The following GLI3 variants were observed in gnomAD, a reference collection of about 807,000 sequenced individuals.
GLI3 encodes GLI family zinc finger 3, also known as transcription activator GLI3.
A neutral mutation model predicts 100.8 loss-of-function variants in GLI3; 20 were observed. The observed-to-expected ratio is 0.20, with a 90% CI of 0.14 to 0.29. The LOEUF (loss-of-function observed/expected upper bound fraction) is 0.29. Among genes scored for constraint, GLI3 ranks in the 10% least tolerant of loss-of-function variants. The probability of loss-of-function intolerance (pLI) is 1.00; values close to 1 mark genes in which losing one functional copy is unlikely to be tolerated. For missense variants in GLI3, 2,040 were observed against 2,128.5 expected (o/e 0.96, Z 0.82); for synonymous variants, 938 against 860.5 (o/e 1.09, Z -1.58).
At chr7:42,212,817 C>T (rs941284535) in intron 2 of GLI3, among the ~76,000 whole-genome samples, 6 of 152,174 alleles carry the variant, frequency 3.9e-5, no homozygotes. Flanking sequence ...GAATACAATT[C>T]ACTGTGAAAC....
At position 42,029,660 on chromosome 7, in the gene GLI3, T is replaced by C. The variant is rs553400792; in HGVS notation, c.1029-3248A>G. ...CCCTCTGCATCTTCAGCACTCACAGTGTCCCCTGCCTGGAACCCTTGGCTT... is the reference window on the plus strand; with the variant it reads ...CCCTCTGCATCTTCAGCACTCACAGCGTCCCCTGCCTGGAACCCTTGGCTT... On this transcript the variant is annotated intron_variant, in intron 7 of 14. Transcript: ENST00000395925. Among the ~76,000 whole-genome samples the C allele has an allele frequency of 2.6e-5, 4 of 152,228 alleles. No individual in the cohort carries two copies. In the South Asian group the frequency reaches 8.3e-4, roughly 32 times the overall value.
chr7:42,233,687 A>G (rs575573969), intron 1 of GLI3, among the ~76,000 whole-genome samples: 1 of 152,334 alleles, frequency 6.6e-6, no homozygotes, highest in Non-Finnish European at 1.5e-5. Context: ...AAAATACTTG[A>G]AAAAGTTTGC....
intron 1 of GLI3, among the ~76,000 whole-genome samples, chr7:42,226,327 AG>A (rs1475458396): frequency 1.3e-5 from 2 of 152,218 alleles, no homozygotes; most frequent in African/African-American, 4.8e-5. Context: ...GCTAATTAAT[AG>A]GAATCAGGAG....
At chr7:42,019,786 A>G (rs1290533386) in intron 10 of GLI3, among the ~76,000 whole-genome samples, 1 of 152,228 alleles carries the variant, frequency 6.6e-6, no homozygotes, top group Admixed American at 6.5e-5. Context: ...TAATAAATTC[A>G]GTCTTCAATG....
At chr7:41,995,388 A>T (rs1325866295) in intron 10 of GLI3, among the ~76,000 whole-genome samples, 1 of 152,078 alleles carries the variant, frequency 6.6e-6, no homozygotes, top group African/African-American at 2.4e-5. Context: ...GCTTTGGCTC[A>T]TGCCAACTCT....
chr7:41,985,622 T>A lies in GLI3; in HGVS notation c.1498-6874A>T, dbSNP rs1007031170. On this transcript the variant is annotated intron_variant, in intron 10 of 14. Transcript: ENST00000395925. Reference sequence around the variant, plus strand: ...TGATTTGCAAGAAAGACTGAAATGTTTTGCCTAAAAAAACACTTTCCACAA... The same window carrying A: ...TGATTTGCAAGAAAGACTGAAATGTATTGCCTAAAAAAACACTTTCCACAA... Among the ~76,000 whole-genome samples the A allele has an allele frequency of 2.6e-5, 4 of 152,340 alleles. No individual in the cohort carries two copies. The East Asian group carries it at 5.8e-4, about 22-fold the overall frequency.
intron 2 of GLI3, among the ~76,000 whole-genome samples, chr7:42,169,737 C>T (rs777147953): frequency 2.0e-5 from 3 of 150,262 alleles, no homozygotes; most frequent in Non-Finnish European, 3.0e-5. Context: ...TAATAATGCC[C>T]ACAAAGCACA....
intron 10 of GLI3, among the ~76,000 whole-genome samples, chr7:42,021,309 T>A (rs1788935384): frequency 6.6e-6 from 1 of 152,216 alleles, no homozygotes; most frequent in Non-Finnish European, 1.5e-5. Context: ...CTGACATGAA[T>A]TTCTTCTGGT....
At chr7:42,091,518 G>A (rs1307027321) in intron 3 of GLI3, among the ~76,000 whole-genome samples, 1 of 152,264 alleles carries the variant, frequency 6.6e-6, no homozygotes, top group East Asian at 1.9e-4. Context: ...GCTGCCACTG[G>A]GGCCTGCGCA....
chr7:42,022,573 A>C (rs892995882), intron 10 of GLI3, among the ~76,000 whole-genome samples: 20 of 152,184 alleles, frequency 1.3e-4, no homozygotes, highest in African/African-American at 4.8e-4. Context: ...AGTTTAAAAA[A>C]CTGCCACACT....
chr7:42,248,438 A>T (rs1038645612), intron 1 of GLI3, among the ~76,000 whole-genome samples: 6 of 152,262 alleles, frequency 3.9e-5, no homozygotes, highest in African/African-American at 1.4e-4. Flanking sequence ...ACAGAGGCCT[A>T]TCATTTTATT....
At chr7:42,210,678 TC>T (rs1293682898) in intron 2 of GLI3, among the ~76,000 whole-genome samples, 7 of 152,020 alleles carry the variant, frequency 4.6e-5, no homozygotes, top group Non-Finnish European at 7.4e-5. Context: ...AAAAATCATA[TC>T]TTTTTTTTTC....
chr7:42,003,797 C>T (rs1182038005), intron 10 of GLI3, among the ~76,000 whole-genome samples: 1 of 152,094 alleles, frequency 6.6e-6, no homozygotes, highest in Non-Finnish European at 1.5e-5. Flanking sequence ...ACTCAAGAGA[C>T]GGAAATGATA....
chr7:42,014,790 A>C (rs1034124989), intron 10 of GLI3, among the ~76,000 whole-genome samples: 1 of 152,168 alleles, frequency 6.6e-6, no homozygotes, highest in Admixed American at 6.5e-5. Context: ...GTTTTCTTCT[A>C]GCTGCTATGC....
chr7:41,971,538 T>C (rs1040920175), intron 13 of GLI3, among the ~76,000 whole-genome samples: 2 of 152,046 alleles, frequency 1.3e-5, no homozygotes, highest in African/African-American at 4.8e-5. Context: ...GCTGAAAGAG[T>C]AGCAGAGCCC....
At chr7:41,977,426 G>T in intron 12 of GLI3, 132 bp downstream of exon 12, 1 of 899,728 alleles carries the variant, frequency 1.1e-6, no homozygotes, top group Non-Finnish European at 1.8e-6. Flanking sequence ...TTCACCTGCA[G>T]GGGCAGAGCC....
At chr7:42,118,966 T>G (rs1439842255) in intron 3 of GLI3, among the ~76,000 whole-genome samples, 1 of 152,114 alleles carries the variant, frequency 6.6e-6, no homozygotes, top group Non-Finnish European at 1.5e-5. Context: ...CCTTTCACAG[T>G]TCAGCAAGGC....
chr7:42,012,778 C>T (rs1274133486), intron 10 of GLI3, among the ~76,000 whole-genome samples: 3 of 152,172 alleles, frequency 2.0e-5, no homozygotes, highest in East Asian at 1.9e-4. Context: ...CTGCTAAACA[C>T]GAGGAGGAAT....
intron 2 of GLI3, among the ~76,000 whole-genome samples, chr7:42,167,609 A>G (rs1440103023): frequency 6.6e-6 from 1 of 152,198 alleles, no homozygotes; most frequent in Non-Finnish European, 1.5e-5. Context: ...ATACAGAGAA[A>G]GAGAGAGAGA....
Sources: gnomAD v4.1 joint callset for allele counts (sites outside exome capture counted in the v4.1 genomes callset) on GRCh38, gnomAD v4.1.1 for gene constraint, MANE v1.5 for transcripts, NCBI Gene and HGNC (gene_info 2026-07-23, HGNC 2026-07-21) for gene names.